Variants in EPHB1 observed in about 807,000 individuals in gnomAD.
EPHB1 encodes the protein ephrin type-B receptor 1.
A neutral mutation model predicts 94.4 loss-of-function variants in EPHB1; 30 were observed. That is an observed-to-expected ratio of 0.32 (90% CI 0.24 to 0.43). EPHB1 has a LOEUF of 0.43. Among genes scored for constraint, EPHB1 ranks in the 20% least tolerant of loss-of-function variants. The pLI is 1.00. For missense variants in EPHB1, 1,055 were observed against 1,308.3 expected (o/e 0.81, Z 2.99); for synonymous variants, 522 against 489.1 (o/e 1.07, Z -0.89).
chr3:135,100,305 G>A (rs148715910), intron 3 of EPHB1, among the ~76,000 whole-genome samples: 24 of 152,196 alleles, frequency 1.6e-4, no homozygotes, highest in Admixed American at 6.5e-4. Flanking sequence ...GAGGTAACAC[G>A]CACCCTCCAC....
intron 5 of EPHB1, among the ~76,000 whole-genome samples, chr3:135,137,363 A>G (rs573980610): frequency 1.3e-5 from 2 of 152,328 alleles, no homozygotes; most frequent in East Asian, 3.9e-4. Flanking sequence ...AATGTTGACA[A>G]CTGATTAGAA....
chr3:134,951,837 C>A lies in EPHB1; in HGVS notation c.590C>A (p.Pro197His), dbSNP rs1369940583. 1.2e-6 allele frequency: 2 copies of A among 1,613,988 alleles called. No individual in the cohort carries two copies. The highest frequency in any genetic ancestry group is 1.7e-6 in the Non-Finnish European group (2 of 1,179,890). ...GTCCGTGTCTTCTTCAAAAAGTGTC[C>A]CAGCATTGTGCAAAATTTTGCAGTG... ...LSVRVFFKKCPSIVQNFAVFP... is the reference protein window; with the variant it reads ...LSVRVFFKKCHSIVQNFAVFP... Residue 197 changes from proline (P) to histidine (H), a missense_variant, in exon 3 of 16, where the codon CCC (proline) becomes CAC (histidine). Coordinates refer to ENST00000398015, the MANE Select transcript of EPHB1 (RefSeq NM_004441.5). This position sits in a 1 kb window ranked among gnomAD's most constrained non-coding sequence, Gnocchi z 4.5.
chr3:135,071,838 C>T (rs2107782157), intron 3 of EPHB1, among the ~76,000 whole-genome samples: 1 of 152,260 alleles, frequency 6.6e-6, no homozygotes, highest in Admixed American at 6.5e-5. Flanking sequence ...TCTTGATTTC[C>T]TTTTTCACTT....
At chr3:135,140,805 C>T (rs987873248) in intron 5 of EPHB1, among the ~76,000 whole-genome samples, 3 of 152,174 alleles carry the variant, frequency 2.0e-5, no homozygotes, top group African/African-American at 4.8e-5. Flanking sequence ...ATGCCAGCCC[C>T]GCGCCTATCA....
intron 3 of EPHB1, among the ~76,000 whole-genome samples, chr3:135,091,176 G>C (rs971433284): frequency 1.3e-5 from 2 of 152,214 alleles, no homozygotes; most frequent in African/African-American, 4.8e-5. Context: ...TGTGCAGTGG[G>C]ACCAACTACA....
At position 135,148,289 on chromosome 3, in the gene EPHB1, G is replaced by T. The variant is rs772338026; in HGVS notation, c.1298-5863G>T. 3.8e-4 allele frequency among the ~76,000 whole-genome samples: 58 copies of T among 152,090 alleles called. 2 individuals are homozygous for T. The highest frequency in any genetic ancestry group is 4.8e-5 in the African/African-American group (2 of 41,406). On this transcript the variant is annotated intron_variant, in intron 5 of 15. Coordinates refer to ENST00000398015, the MANE Select transcript of EPHB1 (RefSeq NM_004441.5). ...AGAAACCTTTGAAGATAACTGAGTC[G>T]GTAACTAAATTAAAGTGTCAAGGAA...
At chr3:134,965,714 C>T (rs1387438923) in intron 3 of EPHB1, among the ~76,000 whole-genome samples, 5 of 152,152 alleles carry the variant, frequency 3.3e-5, no homozygotes, top group African/African-American at 4.8e-5. Context: ...AGCCTAAATT[C>T]GAGTTAACCA....
chr3:134,891,879 C>T (rs73217037), intron 1 of EPHB1, among the ~76,000 whole-genome samples: 9,571 of 152,260 alleles, frequency 0.063, 336 homozygotes, highest in South Asian at 0.15. Context: ...TCTATAGTTC[C>T]GTCACACTAT....
At chr3:135,140,089 G>C (rs1411002516) in intron 5 of EPHB1, among the ~76,000 whole-genome samples, 1 of 152,136 alleles carries the variant, frequency 6.6e-6, no homozygotes, top group Non-Finnish European at 1.5e-5. Context: ...AGTAAAAATG[G>C]CTACTGACAA....
chr3:134,889,914 G>A (rs1291610847), intron 1 of EPHB1, among the ~76,000 whole-genome samples: 2 of 151,730 alleles, frequency 1.3e-5, no homozygotes, highest in Middle Eastern at 3.2e-3. Flanking sequence ...TCCTGACCTC[G>A]TGATCCTCCC....
intron 9 of EPHB1, among the ~76,000 whole-genome samples, chr3:135,172,315 T>C (rs976823238): frequency 6.6e-6 from 1 of 152,218 alleles, no homozygotes; most frequent in African/African-American, 2.4e-5. Flanking sequence ...CACCATCAAG[T>C]GCAATATCAA....
intron 5 of EPHB1, among the ~76,000 whole-genome samples, chr3:135,152,004 T>C (rs1424847461): frequency 6.6e-6 from 1 of 152,196 alleles, no homozygotes; most frequent in Non-Finnish European, 1.5e-5. Flanking sequence ...ATGATAGATA[T>C]TAGTTTTATT....
intron 1 of EPHB1, among the ~76,000 whole-genome samples, chr3:134,806,070 G>T (rs1404111839): frequency 2.0e-5 from 3 of 152,142 alleles, no homozygotes; most frequent in African/African-American, 7.2e-5. Flanking sequence ...AGAAGGAAAA[G>T]ATCAACAAAC....
chr3:135,183,005 CTTTT>C (rs1942200909), intron 10 of EPHB1, among the ~76,000 whole-genome samples: 1 of 62,972 alleles, frequency 1.6e-5, no homozygotes, highest in African/African-American at 5.1e-5. Context: ...CTTTTCTTTT[CTTTT>C]CTTTTCTTTT....
At chr3:134,896,668 C>T (rs1388400742) in intron 1 of EPHB1, among the ~76,000 whole-genome samples, 1 of 152,256 alleles carries the variant, frequency 6.6e-6, no homozygotes, top group African/African-American at 2.4e-5. Context: ...TCTCCACACC[C>T]TGCTCTCTGC....
intron 7 of EPHB1, among the ~76,000 whole-genome samples, chr3:135,164,189 A>G (rs2107699027): frequency 6.6e-6 from 1 of 152,378 alleles, no homozygotes; most frequent in East Asian, 1.9e-4. Flanking sequence ...TTTTAAATAC[A>G]TATATTACAG....
chr3:134,927,943 G>C (rs768435589), intron 2 of EPHB1, among the ~76,000 whole-genome samples: 3 of 152,236 alleles, frequency 2.0e-5, no homozygotes, highest in Non-Finnish European at 4.4e-5. Flanking sequence ...GAGGATCAAG[G>C]ACTATGCTTC....
chr3:135,217,424 C>CACA (rs1943172837), intron 12 of EPHB1, among the ~76,000 whole-genome samples: 2 of 143,494 alleles, frequency 1.4e-5, no homozygotes, highest in Middle Eastern at 3.5e-3. Context: ...CCCATCAGTA[C>CACA]CACACACACA....
chr3:134,840,465 G>A (rs534547166), intron 1 of EPHB1: 5 of 151,806 alleles, frequency 3.3e-5, no homozygotes, highest in African/African-American at 4.8e-5. Context: ...GCTCTGTATC[G>A]GCCAAATAAA....
Sources: allele counts gnomAD v4.1 joint callset (sites outside exome capture counted in the v4.1 genomes callset), GRCh38; gene constraint gnomAD v4.1.1; non-coding constraint Gnocchi (gnomAD v3.1); transcripts MANE v1.5; gene names NCBI Gene and HGNC (gene_info 2026-07-23, HGNC 2026-07-21).